Variants in SNX1 observed in about 807,000 individuals in gnomAD.
The protein encoded by SNX1 is sorting nexin-1.
Under a neutral mutation model 71.8 loss-of-function variants are expected in SNX1, and 36 were observed. The ratio of observed to expected loss-of-function variants is 0.50; its 90% CI spans 0.38 to 0.66. SNX1 has a LOEUF of 0.66. Among genes scored for constraint, SNX1 ranks in the 30% least tolerant of loss-of-function variants. SNX1 has a pLI of 0.00. For missense variants in SNX1, 612 were observed against 646.7 expected (o/e 0.95, Z 0.58); for synonymous variants, 254 against 240.7 (o/e 1.06, Z -0.51).
In SNX1 at chr15:64,134,756, G is replaced by C. The variant is rs1333126115; in HGVS notation, c.1314G>C (p.Leu438=). The C allele has an allele frequency of 6.2e-7, 1 of 1,613,954 alleles. No individual in the cohort carries two copies. The highest frequency in any genetic ancestry group is 2.2e-5 in the East Asian group (1 of 44,884). The stretch of plus-strand genomic sequence containing the variant: ...AGCGGGAGGCCGAGGCTCGGCTGCT[G>C]TGGGCCAACAAGCCTGATAAGCTGC... ...QKKREAEARL[L]WANKPDKLQQ... is the part of the protein sequence containing the mutation. Residue 438 remains leucine, a synonymous_variant, in exon 12 of 15, where the codon CTG becomes CTC. Coordinates refer to ENST00000559844, the MANE Select transcript of SNX1 (RefSeq NM_003099.5). The surrounding 1 kb of genome is among the most constrained non-coding windows in gnomAD (Gnocchi z 4.1).
At chr15:64,124,238 G>A (rs1223545642) in intron 5 of SNX1, among the ~76,000 whole-genome samples, 3 of 148,928 alleles carry the variant, frequency 2.0e-5, no homozygotes, top group Admixed American at 6.6e-5. Context: ...CGGTCACGGT[G>A]GCTCACGCCT....
chr15:64,138,323 C>CTA lies in SNX1; in HGVS notation c.*706_*707insAT. 8 of 693,862 alleles carry CTA rather than the reference C, an allele frequency of 1.2e-5. No individual in the cohort carries two copies. The highest frequency in any genetic ancestry group is 4.7e-5 in the Admixed American group (1 of 21,240). 43.0% of individuals were successfully genotyped at this position (693,862 alleles called of 1,614,324 possible). On this transcript the variant is annotated 3_prime_UTR_variant, in exon 15 of 15. Coordinates refer to ENST00000559844, the MANE Select transcript of SNX1 (RefSeq NM_003099.5). ...CAAAGGAGGCAGAGACTTTCTCTCT[C>CTA]TCTTTTTTTTTTTTTTTTGGTGTCC...
chr15:64,130,274 TACGGAA>T lies in SNX1; in HGVS notation c.971_976del (p.Arg324_Lys325del). The stretch of plus-strand genomic sequence containing the variant: ...GAGGTAGAGTGTGAGGAGCAGCGCT[TACGGAA>T]ACTGCATGCTGTTGTAGAAACTCTA... On this transcript the variant is annotated inframe_deletion, in exon 10 of 15. Transcript: ENST00000559844. 6.2e-7 allele frequency: 1 copy of T among 1,614,144 alleles called. No individual in the cohort carries two copies. Among genetic ancestry groups the T allele is most frequent in the Non-Finnish European group, 8.5e-7 (1 of 1,180,022 alleles).
chr15:64,120,074 C>A (rs2081180260), intron 4 of SNX1, among the ~76,000 whole-genome samples: 1 of 151,988 alleles, frequency 6.6e-6, no homozygotes, highest in Non-Finnish European at 1.5e-5. Flanking sequence ...AAGAGTTATC[C>A]CTGAGTGGAG....
intron 7 of SNX1, 63 bp downstream of exon 7, chr15:64,127,315 T>A: frequency 1.5e-6 from 2 of 1,299,158 alleles, no homozygotes; most frequent in Non-Finnish European, 1.1e-6. Flanking sequence ...GAAAAGTGAG[T>A]CTAAATGACG....
intron 4 of SNX1, among the ~76,000 whole-genome samples, chr15:64,123,105 C>T (rs955243521): frequency 2.0e-5 from 3 of 152,206 alleles, no homozygotes; most frequent in African/African-American, 2.4e-5. Context: ...CTTCCTTCTC[C>T]TCCTGCTTTA....
intron 1 of SNX1, among the ~76,000 whole-genome samples, chr15:64,104,937 T>C (rs1567317224): frequency 6.8e-6 from 1 of 147,262 alleles, no homozygotes; most frequent in Non-Finnish European, 1.5e-5. Context: ...AAAATTTATT[T>C]AAAAGTAGGG....
chr15:64,098,481 G>A (rs963081826), intron 1 of SNX1, among the ~76,000 whole-genome samples: 7 of 152,224 alleles, frequency 4.6e-5, no homozygotes, highest in Admixed American at 1.3e-4. Context: ...ATCACTTGAG[G>A]CCAGGAATCG....
chr15:64,096,055 G>A lies in SNX1; in HGVS notation c.42G>A (p.Leu14=). 6.3e-7 allele frequency: 1 copy of A among 1,591,018 alleles called. No homozygotes were observed. Among genetic ancestry groups the A allele is most frequent in the Non-Finnish European group, 8.5e-7 (1 of 1,172,642 alleles). Reference sequence around the variant, plus strand: ...GTGGCTGTAGCGCTTCGGAGAGACTGCCTCCGCCCTTCCCCGGCCTGGAGC... The same window carrying A: ...GTGGCTGTAGCGCTTCGGAGAGACTACCTCCGCCCTTCCCCGGCCTGGAGC... ...GGGGCSASER[L]PPPFPGLEPE... Residue 14 remains leucine, a synonymous_variant, in exon 1 of 15, where the codon CTG becomes CTA. Transcript: ENST00000559844.
At chr15:64,131,191 G>A (rs1165908529) in intron 10 of SNX1, among the ~76,000 whole-genome samples, 2 of 152,130 alleles carry the variant, frequency 1.3e-5, no homozygotes, top group Non-Finnish European at 2.9e-5. Flanking sequence ...GGCTGAGGCA[G>A]AGAATTGCTT....
At chr15:64,098,341 C>G (rs1437300334) in intron 1 of SNX1, among the ~76,000 whole-genome samples, 2 of 152,178 alleles carry the variant, frequency 1.3e-5, no homozygotes, top group African/African-American at 4.8e-5. Context: ...GTCACATAGG[C>G]AAATGTTGAT....
intron 2 of SNX1, among the ~76,000 whole-genome samples, chr15:64,117,676 C>T (rs1367025343): frequency 6.6e-6 from 1 of 152,156 alleles, no homozygotes; most frequent in African/African-American, 2.4e-5. Flanking sequence ...CCTGTAGTAC[C>T]ACCTATTCAG....
At position 64,129,243 on chromosome 15, in the gene SNX1, G is replaced by A. The variant is rs1183425910; in HGVS notation, c.808-673G>A. Among the ~76,000 whole-genome samples the A allele has an allele frequency of 3.4e-5, 5 of 148,206 alleles. No individual in the cohort carries two copies. Among genetic ancestry groups the A allele is most frequent in the African/African-American group, 5.0e-5 (2 of 39,866 alleles). ...GCCTGGGCGACAAGAGCAAGACTCC[G>A]TCTCAAAAAAAAAAAAAAGAACTAC... On this transcript the variant is annotated intron_variant, in intron 8 of 14. Transcript: ENST00000559844. The surrounding 1 kb of genome is among the most constrained non-coding windows in gnomAD (Gnocchi z 4.4).
intron 14 of SNX1, 108 bp downstream of exon 14, chr15:64,137,040 G>A (rs1346391490): frequency 4.9e-6 from 4 of 818,010 alleles, no homozygotes; most frequent in East Asian, 2.5e-5. Context: ...TGAGGGGCTG[G>A]GCCCTCCTAT....
At chr15:64,099,859 G>A (rs1198252201) in intron 1 of SNX1, among the ~76,000 whole-genome samples, 1 of 152,098 alleles carries the variant, frequency 6.6e-6, no homozygotes, top group African/African-American at 2.4e-5. Context: ...TTACAGGCAC[G>A]TACTAGCGTG....
intron 10 of SNX1, 125 bp from the exon 11 acceptor site, chr15:64,131,562 G>A: frequency 1.2e-6 from 1 of 803,620 alleles, no homozygotes; most frequent in Non-Finnish European, 2.0e-6. Flanking sequence ...TGACTGGGTT[G>A]CAGAGCCCTC....
rs1197690499 is a variant in SNX1, at chr15:64,134,733, C to G, written c.1291C>G (p.Arg431Gly). Residue 431 changes from arginine (R) to glycine (G), a missense_variant, in exon 12 of 15, where the codon CGG becomes GGG. Transcript: ENST00000559844. The surrounding 1 kb of genome is among the most constrained non-coding windows in gnomAD (Gnocchi z 4.1). The stretch of plus-strand genomic sequence containing the variant: ...TGCCCAAGCCACACTGCAGAAGAAG[C>G]GGGAGGCCGAGGCTCGGCTGCTGTG... ...QDAQATLQKK[R>G]EAEARLLWAN... 6.2e-7 allele frequency: 1 copy of G among 1,613,924 alleles called. No individual in the cohort carries two copies.
rs138736511 is a variant in SNX1 at position 64,106,193 on chromosome 15, G to A, written c.160-6380G>A. Among the ~76,000 whole-genome samples, 642 of 152,162 alleles carry A rather than the reference G, an allele frequency of 4.2e-3. 6 individuals are homozygous for A. The highest frequency in any genetic ancestry group is 0.015 in the African/African-American group (614 of 41,498). On this transcript the variant is annotated intron_variant, in intron 1 of 14. Coordinates refer to ENST00000559844, the MANE Select transcript of SNX1 (RefSeq NM_003099.5). ...TTTGTTGCTTATCTTTATGATTAAT[G>A]TATATGCCAAATTTCAGTTCAAGGT...
intron 1 of SNX1, among the ~76,000 whole-genome samples, chr15:64,103,895 G>C (rs2080990428): frequency 6.6e-6 from 1 of 152,082 alleles, no homozygotes; most frequent in Non-Finnish European, 1.5e-5. Context: ...AGTTTGTTTA[G>C]TTACTAGTTT....
Sources: allele counts gnomAD v4.1 joint callset (sites outside exome capture counted in the v4.1 genomes callset), GRCh38; gene constraint gnomAD v4.1.1; non-coding constraint Gnocchi (gnomAD v3.1); transcripts MANE v1.5; gene names NCBI Gene and HGNC (gene_info 2026-07-23, HGNC 2026-07-21).